TLK1: variants seen among roughly 807,000 people sequenced by gnomAD.
TLK1 encodes tousled like kinase 1.
A neutral mutation model predicts 105.3 loss-of-function variants in TLK1; 24 were observed. The observed-to-expected ratio is 0.23, with a 90% confidence interval of 0.17 to 0.32. The LOEUF (loss-of-function observed/expected upper bound fraction) is 0.32, where lower values mean the gene tolerates loss of function less well. TLK1 is among the 10% of genes least tolerant of loss of function. The pLI is 1.00. For missense variants in TLK1, 558 were observed against 910.5 expected (o/e 0.61, Z 4.98); for synonymous variants, 321 against 310.4 (o/e 1.03, Z -0.36).
intron 6 of TLK1, among the ~76,000 whole-genome samples, chr2:171,055,634 A>T (rs542069541): frequency 3.9e-5 from 6 of 152,052 alleles, no homozygotes; most frequent in African/African-American, 1.4e-4. Context: ...AAAGACACTC[A>T]CTGAAAGCAG....
chr2:171,160,823 C>T lies in TLK1; in HGVS notation c.-395G>A. 3 of 349,316 alleles carry T rather than the reference C, an allele frequency of 8.6e-6. No homozygotes were observed. The highest frequency in any genetic ancestry group is 1.5e-5 in the Non-Finnish European group (3 of 195,906). 21.6% of individuals were successfully genotyped at this position (349,316 alleles called of 1,614,324 possible). A position where few individuals can be genotyped will look rare whatever the true frequency, so the allele number is the denominator to read the frequency against. On this transcript the variant is annotated 5_prime_UTR_variant, in exon 1 of 21. Transcript: ENST00000431350. The surrounding 1 kb of genome is among the most constrained non-coding windows in gnomAD (Gnocchi z 4.4). ...TGCCGGCACCTCTGCAGTGCGTCGG[C>T]CCCCGGCGTCGCCCGGGAGGCGGCG... is the stretch of plus-strand genomic sequence containing the variant.
At chr2:171,123,447 C>A (rs1179996959) in intron 1 of TLK1, among the ~76,000 whole-genome samples, 1 of 152,156 alleles carries the variant, frequency 6.6e-6, no homozygotes, top group African/African-American at 2.4e-5. Context: ...AAGTGATCAG[C>A]CCACCTGTGC....
chr2:171,022,863 T>C, intron 12 of TLK1: 1 of 213,606 alleles, frequency 4.7e-6, no homozygotes, highest in Non-Finnish European at 9.7e-6. Flanking sequence ...TATTTGGGGG[T>C]CAATTCACCT....
chr2:171,020,786 T>C (rs921516244), intron 12 of TLK1, among the ~76,000 whole-genome samples: 2 of 152,060 alleles, frequency 1.3e-5, no homozygotes, highest in East Asian at 1.9e-4. Flanking sequence ...TTTGAAACTA[T>C]TGCACCATAA....
chr2:171,148,455 T>C (rs1258613210), intron 1 of TLK1, among the ~76,000 whole-genome samples: 1 of 152,096 alleles, frequency 6.6e-6, no homozygotes, highest in Non-Finnish European at 1.5e-5. Context: ...TGGTGGTGTA[T>C]TTTTTCTTTT....
chr2:171,128,412 C>A lies in TLK1; in HGVS notation c.140-10555G>T, dbSNP rs1394232170. 3.3e-5 allele frequency among the ~76,000 whole-genome samples: 5 copies of A among 151,978 alleles called. No homozygotes were observed. The East Asian group carries it at 9.6e-4, about 29-fold the overall frequency. On this transcript the variant is annotated intron_variant, in intron 1 of 20. Transcript: ENST00000431350. ...AAAATGGAGATAATAAAAGTACATA[C>A]CTTATAGAGTTGTTAAAGTAAAATA...
At chr2:171,164,863 G>A (rs1692577881), upstream of TLK1, among the ~76,000 whole-genome samples, 1 of 151,926 alleles carries the variant, frequency 6.6e-6, no homozygotes, top group Non-Finnish European at 1.5e-5. Context: ...CCTCACGCCT[G>A]TAATCCCAGC....
intron 1 of TLK1, among the ~76,000 whole-genome samples, chr2:171,178,883 C>G (rs971736396): frequency 6.6e-6 from 1 of 152,082 alleles, no homozygotes; most frequent in African/African-American, 2.4e-5. Flanking sequence ...AGTATATGGC[C>G]TCTTACACAG....
At chr2:171,206,099 G>A (rs949312376) in intron 1 of TLK1, among the ~76,000 whole-genome samples, 9 of 152,164 alleles carry the variant, frequency 5.9e-5, no homozygotes, top group African/African-American at 2.2e-4. Context: ...AAATACAACT[G>A]AAGATGGGAA....
At chr2:171,202,862 A>G (rs1693430212) in intron 1 of TLK1, among the ~76,000 whole-genome samples, 1 of 152,196 alleles carries the variant, frequency 6.6e-6, no homozygotes, top group Non-Finnish European at 1.5e-5. Flanking sequence ...TATCATTCTC[A>G]TAGTTTTATT....
intron 1 of TLK1, among the ~76,000 whole-genome samples, chr2:171,216,336 T>C (rs1336544271): frequency 2.0e-5 from 3 of 151,462 alleles, no homozygotes; most frequent in Non-Finnish European, 2.9e-5. Context: ...ATTAGCCGGG[T>C]GTGGTGGTGG....
At chr2:171,140,320 G>A (rs1015342047) in intron 1 of TLK1, among the ~76,000 whole-genome samples, 1 of 152,172 alleles carries the variant, frequency 6.6e-6, no homozygotes, top group African/African-American at 2.4e-5. Context: ...GTTGAACTAA[G>A]TTTAAAAAAC....
Position 170,993,784 on chromosome 2 carries a change from T to G in TLK1, c.2297A>C (p.Tyr766Ser). Residue 766 changes from tyrosine to serine, a missense_variant, in exon 21 of 21, where the codon TAC becomes TCC. Physicochemically the swap from Tyr to Ser is moderately radical, Grantham distance 144. Coordinates refer to ENST00000431350, the MANE Select transcript of TLK1 (RefSeq NM_012290.5). ...PTPPSSSIIT[Y>S] ...CATGCCAATCTTGGAGGAAAGTCAG[T>G]AAGTAATTATGCTTGAAGAAGGGGG... The G allele has an allele frequency of 6.4e-7, 1 of 1,570,094 alleles. No individual in the cohort carries two copies. The highest frequency in any genetic ancestry group is 8.6e-7 in the Non-Finnish European group (1 of 1,158,362).
chr2:171,007,746 T>C lies in TLK1; in HGVS notation c.1417-683A>G, dbSNP rs117254383. ...CCCAGTAAACACATCAGTATTTAAATAAAAATAACCACATACCATTATCAC... is the reference window on the plus strand; with the variant it reads ...CCCAGTAAACACATCAGTATTTAAACAAAAATAACCACATACCATTATCAC... On this transcript the variant is annotated intron_variant, in intron 14 of 20. Transcript: ENST00000431350. Among the ~76,000 whole-genome samples, 68 of 152,204 alleles carry C rather than the reference T, an allele frequency of 4.5e-4. 1 individual carries two copies. The East Asian group carries it at 0.013, about 29-fold the overall frequency.
At chr2:171,181,032 CTGTT>C (rs1269054961) in intron 1 of TLK1, among the ~76,000 whole-genome samples, 3 of 152,078 alleles carry the variant, frequency 2.0e-5, no homozygotes, top group African/African-American at 7.2e-5. Context: ...AAGAAAGTTT[CTGTT>C]TGTATAATGA....
intron 5 of TLK1, among the ~76,000 whole-genome samples, chr2:171,057,141 C>T (rs1687539953): frequency 6.6e-6 from 1 of 151,996 alleles, no homozygotes. Flanking sequence ...GAAGAGAAGC[C>T]AACTGATCTA....
chr2:171,004,067 G>C (rs986676320), intron 18 of TLK1, among the ~76,000 whole-genome samples: 4 of 151,882 alleles, frequency 2.6e-5, no homozygotes, highest in African/African-American at 7.3e-5. Flanking sequence ...CAATTCCCCT[G>C]CCTCAGCCTC....
chr2:171,196,380 G>A (rs1021480994), intron 1 of TLK1, among the ~76,000 whole-genome samples: 5 of 152,172 alleles, frequency 3.3e-5, no homozygotes, highest in African/African-American at 9.6e-5. Flanking sequence ...GCCTCCCAAA[G>A]TGTTGGGATT....
rs1553477347 is a variant in TLK1, at chr2:171,103,264, T to TTATTTATATATATATATATATATATATA, written c.258+14474_258+14475insTATATATATATATATATATATATAAATA. On this transcript the variant is annotated intron_variant, in intron 2 of 20. Transcript: ENST00000431350. ...GTTAAGAAAAAAATTGATCTCAAATTTATATATATATATATATAATTTTTT... is the reference window on the plus strand; with the variant it reads ...GTTAAGAAAAAAATTGATCTCAAATTTATTTATATATATATATATATATATATATATATATATATATATATAATTTTTT... Among the ~76,000 whole-genome samples, 19 of 136,466 alleles carry TTATTTATATATATATATATATATATATA rather than the reference T, an allele frequency of 1.4e-4. 1 individual carries two copies. The highest frequency in any genetic ancestry group is 4.3e-4 in the African/African-American group (14 of 32,484). 89.5% of individuals were successfully genotyped at this position (136,466 alleles called of 152,430 possible). A position where few individuals can be genotyped will look rare whatever the true frequency, so the allele number is the denominator to read the frequency against.
Sources: allele counts gnomAD v4.1 joint callset (sites outside exome capture counted in the v4.1 genomes callset), GRCh38; gene constraint gnomAD v4.1.1; non-coding constraint Gnocchi (gnomAD v3.1); transcripts MANE v1.5; gene names NCBI Gene and HGNC (gene_info 2026-07-23, HGNC 2026-07-21).